The following SSBP2 variants were observed in gnomAD, a reference collection of about 807,000 sequenced individuals.
SSBP2 encodes single stranded DNA binding protein 2, also known as single-stranded DNA-binding protein 2.
In SSBP2, 17 loss-of-function variants were observed where a neutral mutation model predicts 61.8. The ratio of observed to expected loss-of-function variants is 0.28; its 90% CI spans 0.19 to 0.41. The LOEUF is 0.41. Among genes scored for constraint, SSBP2 ranks in the 10% least tolerant of loss-of-function variants. The pLI, the probability that SSBP2 is intolerant of heterozygous loss-of-function variation, is 1.00. For missense variants in SSBP2, 310 were observed against 458.7 expected (o/e 0.68, Z 2.96); for synonymous variants, 139 against 141.3 (o/e 0.98, Z 0.12).
At chr5:81,561,189 TG>T (rs1247631417) in intron 4 of SSBP2, among the ~76,000 whole-genome samples, 1 of 152,220 alleles carries the variant, frequency 6.6e-6, no homozygotes, top group Non-Finnish European at 1.5e-5. Context: ...GTTTCTTTTT[TG>T]TTTTATTATG....
intron 10 of SSBP2, among the ~76,000 whole-genome samples, chr5:81,451,529 C>G (rs775568029): frequency 2.6e-5 from 4 of 152,092 alleles, no homozygotes; most frequent in Non-Finnish European, 5.9e-5. Context: ...TGGGTTCAAG[C>G]GATTGTCCTG....
At chr5:81,557,305 A>G (rs1208540936) in intron 4 of SSBP2, among the ~76,000 whole-genome samples, 1 of 152,128 alleles carries the variant, frequency 6.6e-6, no homozygotes, top group African/African-American at 2.4e-5. Flanking sequence ...TTTGATTATC[A>G]CATGCATTGG....
rs1001402455 is a variant in SSBP2 at position 81,712,617 on chromosome 5, A to AAAAAAAT, written c.62+38363_62+38364insATTTTTT. On this transcript the variant is annotated intron_variant, in intron 1 of 16. Coordinates refer to ENST00000320672, the MANE Select transcript of SSBP2 (RefSeq NM_012446.5). ...AGCGAGACTCCGTCTCAAAAAAAAA[A>AAAAAAAT]AAAAAAATAAAGATTACAGATTTCT... Among the ~76,000 whole-genome samples the AAAAAAAT allele has an allele frequency of 3.4e-4, 2 of 5,898 alleles. 1 individual carries two copies. Among genetic ancestry groups the AAAAAAAT allele is most frequent in the African/African-American group, 2.0e-3 (2 of 998 alleles). The allele number at this position is 5,898 out of a possible 152,430, so 3.9% of individuals were successfully genotyped here. A position where few individuals can be genotyped will look rare whatever the true frequency, so the allele number is the denominator to read the frequency against.
intron 1 of SSBP2, among the ~76,000 whole-genome samples, chr5:81,712,730 T>TTG (rs1754879676): frequency 6.7e-6 from 1 of 148,578 alleles, no homozygotes; most frequent in African/African-American, 2.5e-5. Context: ...GTTTCTTTGT[T>TTG]TTTTTTTTTT....
chr5:81,664,969 G>A (rs1177168903), intron 1 of SSBP2, among the ~76,000 whole-genome samples: 1 of 152,042 alleles, frequency 6.6e-6, no homozygotes, highest in African/African-American at 2.4e-5. Flanking sequence ...CTGTAGCCTT[G>A]TAGTACAGTT....
intron 1 of SSBP2, among the ~76,000 whole-genome samples, chr5:81,706,126 C>T (rs1352845941): frequency 2.6e-5 from 4 of 152,094 alleles, no homozygotes; most frequent in South Asian, 2.1e-4. Context: ...GGGGTATATA[C>T]ACCATGGAAT....
chr5:81,494,434 A>C (rs543815752), intron 5 of SSBP2, among the ~76,000 whole-genome samples: 1 of 152,330 alleles, frequency 6.6e-6, no homozygotes, highest in East Asian at 1.9e-4. Flanking sequence ...TTGAAATCCT[A>C]ATCTCCAATG....
intron 1 of SSBP2, among the ~76,000 whole-genome samples, chr5:81,697,422 C>T (rs1463023757): frequency 1.3e-5 from 2 of 152,124 alleles, no homozygotes; most frequent in South Asian, 2.1e-4. Context: ...CTTAAGTATG[C>T]TTTTATCGCA....
At chr5:81,742,375 G>A (rs1370968716) in intron 1 of SSBP2, among the ~76,000 whole-genome samples, 4 of 152,124 alleles carry the variant, frequency 2.6e-5, no homozygotes, top group East Asian at 1.9e-4. Flanking sequence ...AATACTAGGA[G>A]TATTGGGGAG....
chr5:81,674,583 CA>C (rs1470904676), intron 1 of SSBP2, among the ~76,000 whole-genome samples: 1 of 152,112 alleles, frequency 6.6e-6, no homozygotes, highest in Non-Finnish European at 1.5e-5. Flanking sequence ...AAATATTATG[CA>C]ATTTCTAAAC....
At chr5:81,737,329 A>T (rs1756690175) in intron 1 of SSBP2, among the ~76,000 whole-genome samples, 1 of 148,514 alleles carries the variant, frequency 6.7e-6, no homozygotes, top group Non-Finnish European at 1.5e-5. Flanking sequence ...GTCCCCTTCC[A>T]GTTAAGTCTT....
At chr5:81,647,570 A>C (rs1749375707) in intron 2 of SSBP2, among the ~76,000 whole-genome samples, 1 of 152,106 alleles carries the variant, frequency 6.6e-6, no homozygotes, top group African/African-American at 2.4e-5. Flanking sequence ...CAGCCTAGAT[A>C]GTGAAGAATA....
chr5:81,675,281 T>C (rs1581315574), intron 1 of SSBP2, among the ~76,000 whole-genome samples: 2 of 152,204 alleles, frequency 1.3e-5, no homozygotes, highest in African/African-American at 4.8e-5. Context: ...AAAATAATAG[T>C]CCCCCATCAT....
chr5:81,436,474 G>A (rs1762682656), intron 15 of SSBP2, among the ~76,000 whole-genome samples: 1 of 152,124 alleles, frequency 6.6e-6, no homozygotes, highest in Non-Finnish European at 1.5e-5. Flanking sequence ...CAGCCAGGCA[G>A]TAGAGTTATA....
chr5:81,583,502 C>T (rs568243365), intron 4 of SSBP2, among the ~76,000 whole-genome samples: 16 of 151,928 alleles, frequency 1.1e-4, no homozygotes, highest in East Asian at 5.8e-4. Flanking sequence ...TGGTGGCAGG[C>T]GCCTGTAGTC....
intron 5 of SSBP2, among the ~76,000 whole-genome samples, chr5:81,511,581 T>C (rs1768611098): frequency 6.6e-6 from 1 of 152,212 alleles, no homozygotes; most frequent in Admixed American, 6.5e-5. Flanking sequence ...CTTTTGTTTA[T>C]ACTATTCTGA....
chr5:81,632,832 A>G (rs1334571034), intron 3 of SSBP2, among the ~76,000 whole-genome samples: 2 of 152,152 alleles, frequency 1.3e-5, no homozygotes, highest in Non-Finnish European at 2.9e-5. Flanking sequence ...GAACCATTTT[A>G]AAGAGTTGAC....
chr5:81,610,265 T>C lies in SSBP2; in HGVS notation c.282+5208A>G, dbSNP rs572458247. Among the ~76,000 whole-genome samples the C allele has an allele frequency of 2.3e-4, 35 of 152,310 alleles. 1 individual carries two copies. The highest frequency in any genetic ancestry group is 1.9e-3 in the Admixed American group (29 of 15,306). ...TGCAAAGTGACTGAGAAAAATCCTG[T>C]GTCAGAAGAATGATCCTAAATTATG... On this transcript the variant is annotated intron_variant, in intron 4 of 16. Coordinates refer to ENST00000320672, the MANE Select transcript of SSBP2 (RefSeq NM_012446.5).
intron 4 of SSBP2, among the ~76,000 whole-genome samples, chr5:81,611,068 T>G (rs1041106871): frequency 6.6e-6 from 1 of 152,222 alleles, no homozygotes; most frequent in Non-Finnish European, 1.5e-5. Flanking sequence ...CACATCATTA[T>G]AGCTCTATCC....
Sources: gnomAD v4.1 joint callset for allele counts (sites outside exome capture counted in the v4.1 genomes callset) on GRCh38, gnomAD v4.1.1 for gene constraint, MANE v1.5 for transcripts, NCBI Gene and HGNC (gene_info 2026-07-23, HGNC 2026-07-21) for gene names.